Variants in INSR observed in about 807,000 individuals in gnomAD.
The protein encoded by INSR is insulin receptor, also known as IR.
Under a neutral mutation model 142.6 loss-of-function variants are expected in INSR, and 67 were observed. The ratio of observed to expected loss-of-function variants is 0.47; its 90% CI spans 0.39 to 0.58. The LOEUF is 0.58. INSR is among the 20% of genes least tolerant of loss of function. The pLI, the probability that INSR is intolerant of heterozygous loss-of-function variation, is 0.00. For synonymous variants in INSR, 756 were observed against 743.1 expected (o/e 1.02, Z -0.28); for missense variants, 1,248 against 1,833.2 (o/e 0.68, Z 5.83).
intron 13 of INSR, among the ~76,000 whole-genome samples, chr19:7,135,698 C>T (rs1972905277): frequency 2.0e-5 from 3 of 151,622 alleles, no homozygotes; most frequent in Admixed American, 2.0e-4. Context: ...CAGCTGGGCA[C>T]GGTGGTTCAC....
At chr19:7,238,805 G>A (rs1555685138) in intron 2 of INSR, among the ~76,000 whole-genome samples, 1 of 151,472 alleles carries the variant, frequency 6.6e-6, no homozygotes, top group Non-Finnish European at 1.5e-5. Flanking sequence ...CTCTCAATGG[G>A]CCCCATGCTT....
intron 11 of INSR, among the ~76,000 whole-genome samples, chr19:7,149,787 ACT>A (rs753082742): frequency 7.9e-4 from 119 of 151,348 alleles, no homozygotes; most frequent in Non-Finnish European, 4.0e-4. Flanking sequence ...GCACCACTGC[ACT>A]CTAGCCTGGG....
Position 7,150,431 on chromosome 19 carries a change from C to T in INSR, c.2267+66G>A. ...ACAGAAACCCCTGGGTTCTCCGAGGCATCTGCCTGGCACGCCGCCGGCCCT... is the reference window on the plus strand; with the variant it reads ...ACAGAAACCCCTGGGTTCTCCGAGGTATCTGCCTGGCACGCCGCCGGCCCT... On this transcript the variant is annotated intron_variant, in intron 11 of 21. Coordinates refer to ENST00000302850, the MANE Select transcript of INSR (RefSeq NM_000208.4). This position sits in a 1 kb window ranked among gnomAD's most constrained non-coding sequence, Gnocchi z 4.2. The T allele has an allele frequency of 6.8e-7, 1 of 1,477,430 alleles. No homozygotes were observed. Among genetic ancestry groups the T allele is most frequent in the South Asian group, 1.1e-5 (1 of 87,602 alleles). 91.5% of individuals were successfully genotyped at this position (1,477,430 alleles called of 1,614,324 possible). A position where few individuals can be genotyped will look rare whatever the true frequency, so the allele number is the denominator to read the frequency against.
intron 12 of INSR, among the ~76,000 whole-genome samples, chr19:7,142,389 CAAAA>C (rs34453877): frequency 0.1 from 4,349 of 41,782 alleles, 88 homozygotes; most frequent in African/African-American, 0.2. Context: ...GACTTCATCT[CAAAA>C]AAAAAAAAAA....
intron 2 of INSR, among the ~76,000 whole-genome samples, chr19:7,254,070 G>C (rs974190764): frequency 6.6e-6 from 1 of 150,952 alleles, no homozygotes; most frequent in Non-Finnish European, 1.5e-5. Context: ...AAAAGGAAAA[G>C]GAAAAATGAG....
intron 8 of INSR, among the ~76,000 whole-genome samples, chr19:7,164,654 CA>C (rs539037803): frequency 0.02 from 1,520 of 76,030 alleles, 11 homozygotes; most frequent in Middle Eastern, 0.062. Context: ...CTTGTCTCTA[CA>C]AAAAAAAAAA....
intron 2 of INSR, among the ~76,000 whole-genome samples, chr19:7,257,766 G>A (rs976239736): frequency 6.6e-6 from 1 of 152,122 alleles, no homozygotes; most frequent in Non-Finnish European, 1.5e-5. Flanking sequence ...TGGGCTGTAT[G>A]GCCTCAGGCC....
intron 12 of INSR, 69 bp from the exon 13 acceptor site, chr19:7,141,885 A>G (rs926511418): frequency 3.1e-5 from 41 of 1,316,572 alleles, no homozygotes; most frequent in East Asian, 4.6e-5. Context: ...CCACCTGTCC[A>G]TGGTGCAACC....
chr19:7,187,423 C>G (rs904781238), intron 2 of INSR, among the ~76,000 whole-genome samples: 8 of 152,052 alleles, frequency 5.3e-5, no homozygotes, highest in Non-Finnish European at 1.2e-4. Flanking sequence ...TGTACCAGGG[C>G]TCCAATTTTT....
At chr19:7,144,343 T>A (rs1973139832) in intron 11 of INSR, among the ~76,000 whole-genome samples, 1 of 152,146 alleles carries the variant, frequency 6.6e-6, no homozygotes, top group Admixed American at 6.5e-5. Flanking sequence ...TGGAAAACGA[T>A]GAATGACTGT....
chr19:7,231,408 G>A (rs1975974691), intron 2 of INSR, among the ~76,000 whole-genome samples: 1 of 146,842 alleles, frequency 6.8e-6, no homozygotes, highest in Admixed American at 6.9e-5. Context: ...TCAAGTGATT[G>A]TCCTGCCTCA....
chr19:7,244,796 C>G (rs889582205), intron 2 of INSR, among the ~76,000 whole-genome samples: 2 of 152,098 alleles, frequency 1.3e-5, no homozygotes, highest in Non-Finnish European at 2.9e-5. Context: ...TTGCTTCAGC[C>G]TCAAAGAACA....
At chr19:7,230,822 T>A (rs12463007) in intron 2 of INSR, among the ~76,000 whole-genome samples, 92,900 of 134,532 alleles carry the variant, frequency 0.69, 31,586 homozygotes, top group South Asian at 0.82. Context: ...AAAAAAAAAA[T>A]AAAAAATATT....
Position 7,192,046 on chromosome 19 carries a change from AAGGG to A in INSR, c.653-7413_653-7410del, listed in dbSNP as rs1159801599. On this transcript the variant is annotated intron_variant, in intron 2 of 21. Transcript: ENST00000302850. This position sits in a 1 kb window ranked among gnomAD's most constrained non-coding sequence, Gnocchi z 4.2. ...AAAGAAAGAGAAAGAAAGAGGCAGG[AAGGG>A]AGGGAGAAAGAAAGAAGGAAAGAAA... is the stretch of plus-strand genomic sequence containing the variant. 6.7e-6 allele frequency among the ~76,000 whole-genome samples: 1 copy of A among 150,082 alleles called. No homozygotes were observed. The highest frequency in any genetic ancestry group is 1.5e-5 in the Non-Finnish European group (1 of 67,514).
rs1200919231 is a variant in INSR, at chr19:7,142,984, G to A, written c.2374C>T (p.Pro792Ser). ...NTSSTSVPTS[P>S]EEHRPFEKVV... ...TTCTCAAAAGGCCTGTGCTCCTCCG[G>A]ACTCGTGGGCACGCTGGTCGAGGAA... Residue 792 changes from proline to serine, a missense_variant, in exon 12 of 22, where the codon CCG (proline) becomes TCG (serine). This residue lies in a region of INSR where 1,069 missense variants were observed against 1,654.0 expected (regional missense o/e 0.65). Coordinates refer to ENST00000302850, the MANE Select transcript of INSR (RefSeq NM_000208.4). The A allele has an allele frequency of 1.2e-6, 2 of 1,614,184 alleles. No homozygotes were observed. The highest frequency in any genetic ancestry group is 2.2e-5 in the South Asian group (2 of 91,084).
intron 2 of INSR, among the ~76,000 whole-genome samples, chr19:7,230,830 A>G (rs1200048894): frequency 6.7e-6 from 1 of 149,698 alleles, no homozygotes; most frequent in Non-Finnish European, 1.5e-5. Flanking sequence ...AATAAAAAAT[A>G]TTAGCTCAAG....
intron 13 of INSR, among the ~76,000 whole-genome samples, chr19:7,136,549 T>A (rs1387981927): frequency 1.3e-5 from 2 of 152,022 alleles, no homozygotes; most frequent in Non-Finnish European, 2.9e-5. Flanking sequence ...CCGTGTCTCC[T>A]GTTCCTGGGA....
rs1967759118 is a variant in INSR, at chr19:7,267,173, T to TTA, written c.652+171_652+172insTA. 6.6e-6 allele frequency among the ~76,000 whole-genome samples: 1 copy of TTA among 152,174 alleles called. No homozygotes were observed. Among genetic ancestry groups the TTA allele is most frequent in the Non-Finnish European group, 1.5e-5 (1 of 68,030 alleles). ...GGCCTGCAAAATCTGAAGTATCTAC[T>TTA]ATCTGAGTCTTTACAGAAAATGTCT... On this transcript the variant is annotated intron_variant, in intron 2 of 21. Transcript: ENST00000302850. This position sits in a 1 kb window ranked among gnomAD's most constrained non-coding sequence, Gnocchi z 6.3.
At chr19:7,145,571 T>G (rs1313809491) in intron 11 of INSR, among the ~76,000 whole-genome samples, 1 of 152,222 alleles carries the variant, frequency 6.6e-6, no homozygotes, top group African/African-American at 2.4e-5. Flanking sequence ...ATAAATATTT[T>G]GGGTTTTGCA....
Sources: gnomAD v4.1 joint callset for allele counts (sites outside exome capture counted in the v4.1 genomes callset) on GRCh38, gnomAD v4.1.1 for gene constraint, gnomAD v4.1.1 regional missense constraint, Gnocchi (gnomAD v3.1) non-coding constraint, MANE v1.5 for transcripts, NCBI Gene and HGNC (gene_info 2026-07-23, HGNC 2026-07-21) for gene names.